ESRRG: variants seen among roughly 807,000 people sequenced by gnomAD.
ESRRG encodes the protein estrogen related receptor gamma, also known as estrogen-related receptor gamma.
Under a neutral mutation model 44.0 loss-of-function variants are expected in ESRRG, and 13 were observed. That is an observed-to-expected ratio of 0.30 (90% CI 0.19 to 0.47). The LOEUF is 0.47. ESRRG is among the 20% of genes least tolerant of loss of function. ESRRG has a pLI of 1.00. For missense variants in ESRRG, 395 were observed against 580.6 expected (o/e 0.68, Z 3.29); for synonymous variants, 215 against 214.6 (o/e 1.00, Z -0.02).
intron 3 of ESRRG, among the ~76,000 whole-genome samples, chr1:216,579,998 A>C (rs1489499357): frequency 6.6e-6 from 1 of 152,206 alleles, no homozygotes; most frequent in Non-Finnish European, 1.5e-5. Flanking sequence ...TTAATTCCAT[A>C]AAAATTTGAG....
intron 2 of ESRRG, among the ~76,000 whole-genome samples, chr1:216,873,250 C>T (rs569510230): frequency 1.9e-5 from 2 of 107,142 alleles, no homozygotes; most frequent in Admixed American, 1.4e-4. Flanking sequence ...TCACTGTTGT[C>T]GCTCAGGCTG....
intron 1 of ESRRG, among the ~76,000 whole-genome samples, chr1:216,711,192 T>C (rs1220563458): frequency 6.6e-6 from 1 of 152,166 alleles, no homozygotes; most frequent in African/African-American, 2.4e-5. Flanking sequence ...TATTGGCCAC[T>C]GCAGGACAGC....
chr1:216,527,735 T>C (rs2048101847), intron 5 of ESRRG, among the ~76,000 whole-genome samples: 1 of 152,158 alleles, frequency 6.6e-6, no homozygotes, highest in Admixed American at 6.6e-5. Context: ...CACACACTTC[T>C]TTCCATTCTC....
At chr1:216,620,718 G>C (rs1163726665) in intron 3 of ESRRG, among the ~76,000 whole-genome samples, 1 of 152,132 alleles carries the variant, frequency 6.6e-6, no homozygotes, top group Non-Finnish European at 1.5e-5. Context: ...ATTTGACCTA[G>C]AGAAAAAATA....
At chr1:217,068,788 G>A (rs1324805060) in intron 1 of ESRRG, among the ~76,000 whole-genome samples, 2 of 152,162 alleles carry the variant, frequency 1.3e-5, no homozygotes, top group African/African-American at 2.4e-5. Context: ...ACCTTCTGAA[G>A]AAAAAGGTAA....
intron 1 of ESRRG, among the ~76,000 whole-genome samples, chr1:216,999,403 T>C (rs2076747936): frequency 6.6e-6 from 1 of 152,222 alleles, no homozygotes; most frequent in East Asian, 1.9e-4. Context: ...ATACATTACA[T>C]ACATTATCTC....
At chr1:216,744,663 A>C (rs1418030963) in intron 2 of ESRRG, among the ~76,000 whole-genome samples, 1 of 152,124 alleles carries the variant, frequency 6.6e-6, no homozygotes, top group Admixed American at 6.5e-5. Context: ...TCTACATCTC[A>C]CCATCTTTAT....
intron 1 of ESRRG, among the ~76,000 whole-genome samples, chr1:217,134,182 C>A (rs901652401): frequency 1.3e-5 from 2 of 152,124 alleles, no homozygotes; most frequent in African/African-American, 4.8e-5. Flanking sequence ...AGACCGCGCT[C>A]CAGCCCCCAT....
At chr1:216,804,398 CT>C (rs2094720050) in intron 2 of ESRRG, among the ~76,000 whole-genome samples, 2 of 152,280 alleles carry the variant, frequency 1.3e-5, no homozygotes, top group South Asian at 4.1e-4. Flanking sequence ...AACAAAGCTA[CT>C]TCCAACTTGT....
At chr1:216,868,095 T>C (rs1030633945) in intron 2 of ESRRG, among the ~76,000 whole-genome samples, 1 of 144,390 alleles carries the variant, frequency 6.9e-6, no homozygotes, top group Non-Finnish European at 1.5e-5. Flanking sequence ...TTTTTTTTTT[T>C]TTTTTTTTTG....
rs68151743 is a variant in ESRRG, at chr1:217,066,255, C to CTTTT, written c.-106+23248_-106+23251dup. ...CATGGGGAGAATTCCTTTTTCTTTT[C>CTTTT]TTTTTTTTTTTTTTTTTGAGACGGA... is the stretch of plus-strand genomic sequence containing the variant. On this transcript the variant is annotated intron_variant, in intron 1 of 7. Coordinates refer to the ESRRG transcript ENST00000359162. Among the ~76,000 whole-genome samples, 320 of 132,498 alleles carry CTTTT rather than the reference C, an allele frequency of 2.4e-3. 8 individuals carry two copies. The highest frequency in any genetic ancestry group is 0.014 in the South Asian group (58 of 4,086). The allele number at this position is 132,498 out of a possible 152,430, so 86.9% of individuals were successfully genotyped here.
intron 1 of ESRRG, among the ~76,000 whole-genome samples, chr1:216,679,371 C>A (rs990524703): frequency 6.6e-6 from 1 of 152,148 alleles, no homozygotes; most frequent in Non-Finnish European, 1.5e-5. Context: ...TGAAAGAAAG[C>A]GGGTCGGCAC....
chr1:217,074,110 C>A lies in ESRRG; in HGVS notation c.-106+15397G>T, dbSNP rs1158288038. Among the ~76,000 whole-genome samples, 3 of 149,896 alleles carry A rather than the reference C, an allele frequency of 2.0e-5. No individual in the cohort carries two copies. In the East Asian group the frequency reaches 5.9e-4, roughly 30 times the overall value. On this transcript the variant is annotated intron_variant, in intron 1 of 7. Coordinates refer to the ESRRG transcript ENST00000359162. ...TCGCCCGGGCTGGTGTGCAATGGCA[C>A]AATCTCGGCTCACTGCAACCTCCAC... is the stretch of plus-strand genomic sequence containing the variant.
At chr1:216,571,676 C>A (rs1254549128) in intron 3 of ESRRG, among the ~76,000 whole-genome samples, 1 of 152,088 alleles carries the variant, frequency 6.6e-6, no homozygotes, top group African/African-American at 2.4e-5. Flanking sequence ...TTACCTCATC[C>A]TTCCCATCTA....
At chr1:216,801,017 C>A (rs1214346858) in intron 2 of ESRRG, among the ~76,000 whole-genome samples, 1 of 152,022 alleles carries the variant, frequency 6.6e-6, no homozygotes, top group East Asian at 1.9e-4. Flanking sequence ...TTAAGGCATA[C>A]AATATGTTTT....
chr1:216,693,777 A>G (rs564938484), intron 1 of ESRRG, among the ~76,000 whole-genome samples: 2 of 152,216 alleles, frequency 1.3e-5, no homozygotes, highest in African/African-American at 4.8e-5. Context: ...GCCCACAGAC[A>G]TGGAGAAATG....
intron 2 of ESRRG, among the ~76,000 whole-genome samples, chr1:216,667,802 A>G (rs2074288634): frequency 6.6e-6 from 1 of 151,922 alleles, no homozygotes; most frequent in East Asian, 1.9e-4. Context: ...AAAGTGTATT[A>G]CTTAAAATAA....
chr1:216,919,858 C>A (rs1252282965), intron 2 of ESRRG, among the ~76,000 whole-genome samples: 1 of 152,148 alleles, frequency 6.6e-6, no homozygotes, highest in African/African-American at 2.4e-5. Flanking sequence ...GCCAGACACC[C>A]AAGTAAGAGT....
intron 5 of ESRRG, among the ~76,000 whole-genome samples, chr1:216,529,419 A>G (rs2048625590): frequency 6.6e-6 from 1 of 152,182 alleles, no homozygotes; most frequent in Admixed American, 6.5e-5. Context: ...CAAGCAGATG[A>G]ATTTTGTGAA....
Sources: allele counts gnomAD v4.1 joint callset (sites outside exome capture counted in the v4.1 genomes callset), GRCh38; gene constraint gnomAD v4.1.1; transcripts MANE v1.5; gene names NCBI Gene and HGNC (gene_info 2026-07-23, HGNC 2026-07-21).